The following CPPED1 variants were observed in gnomAD, a reference collection of about 807,000 sequenced individuals.
CPPED1 encodes the protein serine/threonine-protein phosphatase CPPED1.
A neutral mutation model predicts 28.0 loss-of-function variants in CPPED1; 28 were observed. That is an observed-to-expected ratio of 1.00 (90% confidence interval 0.74 to 1.37). CPPED1 has a LOEUF of 1.37. Ranked by LOEUF, CPPED1 falls within the 40% of genes most tolerant of loss-of-function variation. CPPED1 has a pLI of 0.00. For synonymous variants in CPPED1, 198 were observed against 180.2 expected, an observed-to-expected ratio of 1.10 and a Z score of -0.79; for missense variants, 504 against 416.5, an observed-to-expected ratio of 1.21 and a Z score of -1.83.
At chr16:12,778,934 A>C (rs1218280436) in intron 2 of CPPED1, among the ~76,000 whole-genome samples, 5 of 152,242 alleles carry the variant, frequency 3.3e-5, no homozygotes, top group Non-Finnish European at 1.5e-5. Flanking sequence ...GCCAAGTCAC[A>C]TTTATGAAGT....
chr16:12,707,791 A>G (rs1352346546), intron 2 of CPPED1, among the ~76,000 whole-genome samples: 1 of 152,062 alleles, frequency 6.6e-6, no homozygotes, highest in African/African-American at 2.4e-5. Context: ...AACCACCAAT[A>G]TCCCCCAGTA....
chr16:12,746,328 T>A (rs1402730263), intron 2 of CPPED1, among the ~76,000 whole-genome samples: 7 of 140,706 alleles, frequency 5.0e-5, no homozygotes, highest in Non-Finnish European at 9.0e-5. Context: ...GAGCTGAGAG[T>A]GTACCACTGC....
chr16:12,752,572 A>G (rs2080336730), intron 2 of CPPED1, among the ~76,000 whole-genome samples: 2 of 149,932 alleles, frequency 1.3e-5, no homozygotes, highest in African/African-American at 2.4e-5. Context: ...ACAAATGAAT[A>G]AAAAGACAGT....
chr16:12,734,364 C>T (rs1417910251), intron 2 of CPPED1, among the ~76,000 whole-genome samples: 1 of 151,424 alleles, frequency 6.6e-6, no homozygotes, highest in Non-Finnish European at 1.5e-5. Flanking sequence ...GTCACTGCAC[C>T]TGGCCACACA....
rs2079846859 is a variant in CPPED1 at position 12,670,253 on chromosome 16, C to T, written c.716-5138G>A. Among the ~76,000 whole-genome samples the T allele has an allele frequency of 6.6e-6, 1 of 152,166 alleles. No homozygotes were observed. Among genetic ancestry groups the T allele is most frequent in the Non-Finnish European group, 1.5e-5 (1 of 68,048 alleles). ...GAAGCTACAGTGAGCTATGACCGCA[C>T]CATTGCATTCCAGTTTGGGTGACAG... is the stretch of plus-strand genomic sequence containing the variant. On this transcript the variant is annotated intron_variant, in intron 3 of 3. Coordinates refer to ENST00000381774, the MANE Select transcript of CPPED1 (RefSeq NM_018340.3). This position sits in a 1 kb window ranked among gnomAD's most constrained non-coding sequence, Gnocchi z 4.2.
chr16:12,788,768 A>C (rs768035573), intron 1 of CPPED1, among the ~76,000 whole-genome samples: 5 of 152,212 alleles, frequency 3.3e-5, no homozygotes, highest in Admixed American at 6.5e-5. Flanking sequence ...CAATACTGAC[A>C]TCTTCTCTCC....
chr16:12,718,538 TAAA>T (rs61306353), intron 2 of CPPED1, among the ~76,000 whole-genome samples: 1 of 117,802 alleles, frequency 8.5e-6, no homozygotes, highest in Admixed American at 9.5e-5. Flanking sequence ...GACTCTGTCT[TAAA>T]AAAAAAAAAA....
chr16:12,793,676 A>ACTAC (rs1241151500), intron 1 of CPPED1, among the ~76,000 whole-genome samples: 1 of 152,208 alleles, frequency 6.6e-6, no homozygotes, highest in Non-Finnish European at 1.5e-5. Flanking sequence ...TCGTGCCATG[A>ACTAC]CTACCATTCA....
At chr16:12,793,850 T>C (rs535219567) in intron 1 of CPPED1, among the ~76,000 whole-genome samples, 56 of 152,360 alleles carry the variant, frequency 3.7e-4, no homozygotes, top group Non-Finnish European at 5.7e-4. Flanking sequence ...CTGTGGATAT[T>C]GCTTTGGTTA....
chr16:12,693,600 A>G (rs1404990660), intron 3 of CPPED1, among the ~76,000 whole-genome samples: 1 of 152,224 alleles, frequency 6.6e-6, no homozygotes, highest in Admixed American at 6.5e-5. Flanking sequence ...TTATTTTACA[A>G]AGCAATGTTG....
intron 2 of CPPED1, among the ~76,000 whole-genome samples, chr16:12,726,382 G>T (rs1490400215): frequency 7.6e-6 from 1 of 131,578 alleles, no homozygotes; most frequent in Non-Finnish European, 1.5e-5. Context: ...TCACTCTGTT[G>T]CCCAGGCTGG....
At chr16:12,784,798 T>G (rs897916043) in intron 1 of CPPED1, among the ~76,000 whole-genome samples, 5 of 152,214 alleles carry the variant, frequency 3.3e-5, no homozygotes, top group African/African-American at 1.2e-4. Context: ...CAGCTCCCTA[T>G]AGCAAACATT....
In CPPED1 at chr16:12,803,783, C is replaced by T; in HGVS notation, c.-7G>A. On this transcript the variant is annotated 5_prime_UTR_variant, in exon 1 of 4. Coordinates refer to ENST00000381774, the MANE Select transcript of CPPED1 (RefSeq NM_018340.3). ...CCGCCTCTGCAGCCGACATGGCGAG[C>T]GAGTTTCTGGCCTTCACTTAGAACA... 1.3e-6 allele frequency: 2 copies of T among 1,598,016 alleles called. No homozygotes were observed. Among genetic ancestry groups the T allele is most frequent in the South Asian group, 1.1e-5 (1 of 88,618 alleles).
intron 3 of CPPED1, among the ~76,000 whole-genome samples, chr16:12,700,387 C>T (rs1286662977): frequency 6.6e-6 from 1 of 152,208 alleles, no homozygotes; most frequent in Non-Finnish European, 1.5e-5. Context: ...CCAAAGGCCA[C>T]AGAGGCCACG....
intron 1 of CPPED1, among the ~76,000 whole-genome samples, chr16:12,782,845 T>C (rs1401371182): frequency 2.0e-5 from 3 of 152,070 alleles, no homozygotes; most frequent in African/African-American, 7.2e-5. Flanking sequence ...CACTCCAGCC[T>C]GGGTGACAGA....
At chr16:12,678,160 G>C (rs1391768356) in intron 3 of CPPED1, among the ~76,000 whole-genome samples, 1 of 152,156 alleles carries the variant, frequency 6.6e-6, no homozygotes, top group East Asian at 1.9e-4. Context: ...TGACAACAAA[G>C]GAAAGAGTAA....
chr16:12,772,522 TC>T (rs1354324211), intron 2 of CPPED1, among the ~76,000 whole-genome samples: 1 of 152,192 alleles, frequency 6.6e-6, no homozygotes, highest in Non-Finnish European at 1.5e-5. Context: ...TTGTGCATGC[TC>T]CCTCTCCTCC....
chr16:12,717,601 C>A (rs1596458189), intron 2 of CPPED1, among the ~76,000 whole-genome samples: 1 of 151,644 alleles, frequency 6.6e-6, no homozygotes, highest in African/African-American at 2.4e-5. Flanking sequence ...CCAGGCAATA[C>A]TTGTGTTGAA....
rs146657042 is a variant in CPPED1, at chr16:12,684,929, T to C, written c.715+19695A>G. On this transcript the variant is annotated intron_variant, in intron 3 of 3. Transcript: ENST00000381774. ...AGGTATCCTGGAGGAGAAACCCAAA[T>C]CTCCCCTTCGTTGATATTATCAAAG... Among the ~76,000 whole-genome samples, 11 of 152,202 alleles carry C rather than the reference T, an allele frequency of 7.2e-5. No homozygotes were observed. In the East Asian group the frequency reaches 2.1e-3, roughly 29 times the overall value.
Sources: allele counts gnomAD v4.1 joint callset (sites outside exome capture counted in the v4.1 genomes callset), GRCh38; gene constraint gnomAD v4.1.1; non-coding constraint Gnocchi (gnomAD v3.1); transcripts MANE v1.5; gene names NCBI Gene and HGNC (gene_info 2026-07-23, HGNC 2026-07-21).